The following DCC variants were observed in gnomAD, a reference collection of about 807,000 sequenced individuals.
DCC encodes netrin receptor DCC.
DCC carries 58 observed loss-of-function variants against 172.5 expected under a neutral mutation model. That is an observed-to-expected ratio of 0.34 (90% CI 0.27 to 0.42). The LOEUF is 0.42. Ranked by LOEUF, DCC falls within the 10% of genes least tolerant of loss-of-function variation. The pLI, the probability that DCC is intolerant of heterozygous loss-of-function variation, is 1.00. For missense variants in DCC, 1,740 were observed against 1,791.0 expected (o/e 0.97, Z 0.51); for synonymous variants, 709 against 644.5 (o/e 1.10, Z -1.52).
chr18:53,148,399 C>T (rs1339619747), intron 7 of DCC, among the ~76,000 whole-genome samples: 2 of 152,188 alleles, frequency 1.3e-5, no homozygotes, highest in Non-Finnish European at 2.9e-5. Flanking sequence ...ATTGAAATGG[C>T]ACGTTTGGGG....
rs551634970 is a variant in DCC, at chr18:52,852,617, C to T, written c.413-53427C>T. Among the ~76,000 whole-genome samples the T allele has an allele frequency of 4.2e-5, 6 of 144,254 alleles. No homozygotes were observed. The South Asian group carries it at 1.0e-3, about 25-fold the overall frequency. The allele number at this position is 144,254 out of a possible 152,430, so 94.6% of individuals were successfully genotyped here. A position where few individuals can be genotyped will look rare whatever the true frequency, so the allele number is the denominator to read the frequency against. ...TCCATGAATGTTAAATAGACACTTACCAAGTGTCTATTTGGTTAAAATTTG... is the reference window on the plus strand; with the variant it reads ...TCCATGAATGTTAAATAGACACTTATCAAGTGTCTATTTGGTTAAAATTTG... On this transcript the variant is annotated intron_variant, in intron 2 of 28. Transcript: ENST00000442544.
At chr18:53,019,080 G>T (rs77591800) in intron 5 of DCC, among the ~76,000 whole-genome samples, 3 of 152,080 alleles carry the variant, frequency 2.0e-5, no homozygotes, top group Non-Finnish European at 4.4e-5. Context: ...AAAATTGGCC[G>T]CTGACTGGGG....
At chr18:53,416,298 A>G (rs60540565) in intron 21 of DCC, 142 bp downstream of exon 21, 2 of 730,702 alleles carry the variant, frequency 2.7e-6, no homozygotes, top group Non-Finnish European at 4.9e-6. Flanking sequence ...AATCTTGTTA[A>G]TGAAGTTCTG....
At chr18:53,395,074 C>T (rs1383966850) in intron 17 of DCC, among the ~76,000 whole-genome samples, 2 of 150,428 alleles carry the variant, frequency 1.3e-5, no homozygotes, top group African/African-American at 4.9e-5. Flanking sequence ...CACTTGAACC[C>T]GAGAGGCTGA....
chr18:52,439,830 C>T (rs1987918946), intron 1 of DCC, among the ~76,000 whole-genome samples: 1 of 152,138 alleles, frequency 6.6e-6, no homozygotes, highest in African/African-American at 2.4e-5. Flanking sequence ...GAGTATTACG[C>T]ATTGCATGCC....
chr18:52,713,419 G>A (rs1030073861), intron 1 of DCC, among the ~76,000 whole-genome samples: 3 of 152,186 alleles, frequency 2.0e-5, no homozygotes, highest in Non-Finnish European at 4.4e-5. Context: ...GAGAGAACAA[G>A]AAAACAGAAA....
At chr18:52,754,927 C>T (rs570060591) in intron 2 of DCC, among the ~76,000 whole-genome samples, 98 of 152,308 alleles carry the variant, frequency 6.4e-4, no homozygotes, top group African/African-American at 2.2e-3. Context: ...GGCCAGGTGA[C>T]ATCCTGATGG....
intron 5 of DCC, among the ~76,000 whole-genome samples, chr18:52,943,203 A>G (rs889510906): frequency 4.6e-5 from 7 of 152,226 alleles, no homozygotes; most frequent in Non-Finnish European, 7.3e-5. Context: ...AGAAATAGGT[A>G]TTTAAATGTA....
At chr18:52,966,106 A>C (rs2145577350) in intron 5 of DCC, among the ~76,000 whole-genome samples, 1 of 152,316 alleles carries the variant, frequency 6.6e-6, no homozygotes, top group African/African-American at 2.4e-5. Flanking sequence ...AAAAATCCAT[A>C]GATCATTTCC....
intron 1 of DCC, among the ~76,000 whole-genome samples, chr18:52,702,078 T>C (rs958573582): frequency 6.6e-6 from 1 of 152,230 alleles, no homozygotes; most frequent in Non-Finnish European, 1.5e-5. Flanking sequence ...CTTGTCTTGC[T>C]GCCTTTCAAG....
At chr18:52,355,338 A>G (rs2144255005) in intron 1 of DCC, among the ~76,000 whole-genome samples, 1 of 152,298 alleles carries the variant, frequency 6.6e-6, no homozygotes, top group South Asian at 2.1e-4. Context: ...GGGCCCAGAG[A>G]AGCTAGGTGA....
intron 7 of DCC, among the ~76,000 whole-genome samples, chr18:53,084,933 A>G (rs1176551616): frequency 6.6e-6 from 1 of 152,218 alleles, no homozygotes; most frequent in Non-Finnish European, 1.5e-5. Flanking sequence ...GATTTTTAAA[A>G]TTATATCTAG....
rs542732797 is a variant in DCC at position 53,422,365 on chromosome 18, T to A, written c.3163+6209T>A. ...ATTGCAATTCATATTCTCAAATACC[T>A]TCTTCGCTCAGAGATTCACCTCTAT... On this transcript the variant is annotated intron_variant, in intron 21 of 28. Transcript: ENST00000442544. 3.9e-4 allele frequency among the ~76,000 whole-genome samples: 60 copies of A among 152,302 alleles called. No individual in the cohort carries two copies. The Middle Eastern group carries it at 0.01, about 26-fold the overall frequency.
intron 5 of DCC, among the ~76,000 whole-genome samples, chr18:53,012,533 G>A (rs2041745497): frequency 6.6e-6 from 1 of 151,862 alleles, no homozygotes; most frequent in Admixed American, 6.6e-5. Flanking sequence ...ACCATAATAG[G>A]GCACAAAAGT....
intron 5 of DCC, among the ~76,000 whole-genome samples, chr18:53,043,217 A>G (rs1489771300): frequency 2.6e-5 from 4 of 151,744 alleles, no homozygotes; most frequent in East Asian, 3.9e-4. Flanking sequence ...TAACCCAAGA[A>G]CAGAAAACCA....
At chr18:52,587,960 C>T (rs1216859835) in intron 1 of DCC, among the ~76,000 whole-genome samples, 1 of 152,102 alleles carries the variant, frequency 6.6e-6, no homozygotes, top group South Asian at 2.1e-4. Flanking sequence ...TGCTCGAACC[C>T]GATTATGTAT....
chr18:52,368,825 C>G (rs1413027347), intron 1 of DCC, among the ~76,000 whole-genome samples: 1 of 152,118 alleles, frequency 6.6e-6, no homozygotes, highest in Admixed American at 6.6e-5. Context: ...TTATACCTTG[C>G]AAAATGAAGA....
chr18:52,535,802 C>T (rs1008140813), intron 1 of DCC, among the ~76,000 whole-genome samples: 1 of 152,132 alleles, frequency 6.6e-6, no homozygotes, highest in African/African-American at 2.4e-5. Flanking sequence ...GCTTAGCACT[C>T]ATTAAGCAGT....
intron 7 of DCC, among the ~76,000 whole-genome samples, chr18:53,124,594 T>C (rs1421210072): frequency 6.6e-6 from 1 of 152,040 alleles, no homozygotes; most frequent in Non-Finnish European, 1.5e-5. Context: ...TGAGACAACA[T>C]TGCTCTGTAA....
Sources: gnomAD v4.1 joint callset for allele counts (sites outside exome capture counted in the v4.1 genomes callset) on GRCh38, gnomAD v4.1.1 for gene constraint, MANE v1.5 for transcripts, NCBI Gene and HGNC (gene_info 2026-07-23, HGNC 2026-07-21) for gene names.